TMPRSS6: variants seen among roughly 807,000 people sequenced by gnomAD.
The protein encoded by TMPRSS6 is transmembrane protease serine 6.
A neutral mutation model predicts 101.5 loss-of-function variants in TMPRSS6; 67 were observed. The observed-to-expected ratio is 0.66, with a 90% CI of 0.54 to 0.81. TMPRSS6 has a LOEUF of 0.81. TMPRSS6 is among the 30% of genes least tolerant of loss of function. The probability of loss-of-function intolerance (pLI) is 0.00; values close to 1 mark genes in which losing one functional copy is unlikely to be tolerated. For synonymous variants in TMPRSS6, 453 were observed against 464.9 expected, an observed-to-expected ratio of 0.97 and a Z score of 0.33; for missense variants, 1,034 against 1,088.7, an observed-to-expected ratio of 0.95 and a Z score of 0.71.
chr22:37,091,214 G>A (rs759796075), intron 6 of TMPRSS6, among the ~76,000 whole-genome samples: 17 of 152,180 alleles, frequency 1.1e-4, no homozygotes, highest in Non-Finnish European at 2.4e-4. Context: ...TTTAAACCTC[G>A]CCAGAAGCCT....
chr22:37,073,724 T>C, intron 12 of TMPRSS6, 79 bp from the exon 13 acceptor site: 1 of 850,140 alleles, frequency 1.2e-6, no homozygotes, highest in Non-Finnish European at 2.1e-6. Flanking sequence ...CTGTAGAAGG[T>C]GTGCTGTATT....
Position 37,103,269 on chromosome 22 carries a change from A to G in TMPRSS6, c.149T>C (p.Leu50Pro). ...GYLRLVPLFV[L>P]LALLVLASAG... Reference sequence around the variant, plus strand: ...CGAAGCCAGCACGAGCAGGGCCAGCAGCACAAACAGGGGCACCAGGCGGAG... The same window carrying G: ...CGAAGCCAGCACGAGCAGGGCCAGCGGCACAAACAGGGGCACCAGGCGGAG... The change falls in exon 2 of 18, where the codon CTG becomes CCG. Residue 50 changes from leucine to proline, a missense_variant. Coordinates refer to ENST00000676104, the MANE Select transcript of TMPRSS6 (RefSeq NM_001374504.1). This position sits in a 1 kb window ranked among gnomAD's most constrained non-coding sequence, Gnocchi z 4.4. 6.2e-7 allele frequency: 1 copy of G among 1,614,130 alleles called. No individual in the cohort carries two copies. The highest frequency in any genetic ancestry group is 8.5e-7 in the Non-Finnish European group (1 of 1,179,982).
chr22:37,070,891 G>T, intron 14 of TMPRSS6, 25 bp downstream of exon 14: 1 of 1,606,964 alleles, frequency 6.2e-7, no homozygotes. Flanking sequence ...AAGCTCCAGG[G>T]CCCCGGCAGC....
chr22:37,078,153 C>T (rs747393594), intron 10 of TMPRSS6, among the ~76,000 whole-genome samples: 3 of 151,074 alleles, frequency 2.0e-5, no homozygotes, highest in African/African-American at 7.3e-5. Context: ...AGGAGTCAAG[C>T]GCATCCCATG....
intron 16 of TMPRSS6, among the ~76,000 whole-genome samples, chr22:37,068,116 A>T (rs1446972478): frequency 2.0e-5 from 3 of 151,878 alleles, no homozygotes; most frequent in African/African-American, 7.3e-5. Flanking sequence ...CTCCCCATCC[A>T]TGTCAGCTCT....
chr22:37,074,937 C>T (rs1288766477), intron 11 of TMPRSS6, among the ~76,000 whole-genome samples, 198 bp downstream of exon 11: 1 of 152,238 alleles, frequency 6.6e-6, no homozygotes, highest in African/African-American at 2.4e-5. Flanking sequence ...TGTATTCCTG[C>T]AAACCCTTGT....
Position 37,096,853 on chromosome 22 carries a change from G to A in TMPRSS6, c.337-138C>T, listed in dbSNP as rs1283727106. The A allele has an allele frequency of 8.2e-6, 7 of 857,990 alleles. No homozygotes were observed. The Admixed American group carries it at 1.0e-4, about 12-fold the overall frequency. 53.1% of individuals were successfully genotyped at this position (857,990 alleles called of 1,614,324 possible). A position where few individuals can be genotyped will look rare whatever the true frequency, so the allele number is the denominator to read the frequency against. On this transcript the variant is annotated intron_variant, in intron 3 of 17. Coordinates refer to ENST00000676104, the MANE Select transcript of TMPRSS6 (RefSeq NM_001374504.1). ...TCCAAGGTGGACAGGCTTGATCACGGTCACACAGTGCTGAGTGGCCGGGCC... is the reference window on the plus strand; with the variant it reads ...TCCAAGGTGGACAGGCTTGATCACGATCACACAGTGCTGAGTGGCCGGGCC...
chr22:37,079,011 A>AAG (rs1240808564), intron 10 of TMPRSS6, among the ~76,000 whole-genome samples: 5 of 151,850 alleles, frequency 3.3e-5, no homozygotes, highest in South Asian at 4.2e-4. Flanking sequence ...GAAAGAAAGA[A>AAG]AGAAAGAGAA....
intron 13 of TMPRSS6, among the ~76,000 whole-genome samples, chr22:37,072,649 TGATG>T (rs1361318726): frequency 2.6e-5 from 3 of 116,302 alleles, no homozygotes; most frequent in Admixed American, 8.5e-5. Flanking sequence ...GACGGATGGA[TGATG>T]GATGGATGGA....
chr22:37,095,140 C>A (rs954056049), intron 6 of TMPRSS6, among the ~76,000 whole-genome samples: 12 of 152,076 alleles, frequency 7.9e-5, no homozygotes, highest in Admixed American at 1.3e-4. Context: ...CCGCTACCTC[C>A]AAAAGACCAA....
intron 6 of TMPRSS6, among the ~76,000 whole-genome samples, chr22:37,093,194 C>T (rs931841179): frequency 2.0e-5 from 3 of 152,118 alleles, no homozygotes; most frequent in Non-Finnish European, 2.9e-5. Context: ...TCTCCTCATT[C>T]ATGCTTTCAT....
intron 2 of TMPRSS6, among the ~76,000 whole-genome samples, chr22:37,099,133 G>A (rs759193353): frequency 3.3e-5 from 5 of 152,246 alleles, no homozygotes; most frequent in African/African-American, 7.2e-5. Context: ...GGGATGTGAC[G>A]AGGACACTCA....
At position 37,079,005 on chromosome 22, in the gene TMPRSS6, G is replaced by GAA. The variant is rs1265766649; in HGVS notation, c.1197-3727_1197-3726dup. On this transcript the variant is annotated intron_variant, in intron 10 of 17. Coordinates refer to ENST00000676104, the MANE Select transcript of TMPRSS6 (RefSeq NM_001374504.1). ...AGAAAGAAAGAAAGAAAGAAAGAAA[G>GAA]AAAGAAAGAAAGAGAAAGAGAGAAA... 3.4e-3 allele frequency among the ~76,000 whole-genome samples: 514 copies of GAA among 151,588 alleles called. 9 individuals carry two copies. Among genetic ancestry groups the GAA allele is most frequent in the African/African-American group, 0.012 (489 of 41,148 alleles).
At position 37,065,860 on chromosome 22, in the gene TMPRSS6, G is replaced by T; in HGVS notation, c.*220C>A. The T allele has an allele frequency of 1.6e-6, 1 of 607,108 alleles. No individual in the cohort carries two copies. The highest frequency in any genetic ancestry group is 2.0e-5 in the South Asian group (1 of 50,788). 37.6% of individuals were successfully genotyped at this position (607,108 alleles called of 1,614,324 possible). On this transcript the variant is annotated 3_prime_UTR_variant, in exon 18 of 18. Transcript: ENST00000676104. ...AGGCAGAAGGGCTGGGTGTGGGCCT[G>T]GGTCCTCAGGGGACGTCTTGACCCC...
intron 1 of TMPRSS6, among the ~76,000 whole-genome samples, chr22:37,105,754 C>G (rs952867758): frequency 1.1e-4 from 17 of 152,220 alleles, no homozygotes; most frequent in Non-Finnish European, 1.9e-4. Context: ...ACCCCAGCCT[C>G]CAACTCCTGG....
At position 37,074,014 on chromosome 22, in the gene TMPRSS6, G is replaced by T. The variant is rs920085728; in HGVS notation, c.1442-369C>A. On this transcript the variant is annotated intron_variant, in intron 12 of 17. Coordinates refer to ENST00000676104, the MANE Select transcript of TMPRSS6 (RefSeq NM_001374504.1). ...TCCGCTCGACTCCGCCTCCCAAAGT[G>T]CTAGGATTACAGGCATGAGCCACTG... 2.0e-5 allele frequency among the ~76,000 whole-genome samples: 3 copies of T among 152,148 alleles called. No homozygotes were observed. The South Asian group carries it at 6.2e-4, about 32-fold the overall frequency.
intron 7 of TMPRSS6, among the ~76,000 whole-genome samples, chr22:37,087,678 C>A (rs890862422): frequency 1.3e-5 from 2 of 151,818 alleles, no homozygotes; most frequent in South Asian, 4.1e-4. Flanking sequence ...CACACCGGTG[C>A]CCCCCACCCT....
Position 37,069,495 on chromosome 22 carries a change from G to A in TMPRSS6, c.1842-151C>T. 1.2e-6 allele frequency: 1 copy of A among 822,682 alleles called. No individual in the cohort carries two copies. Among genetic ancestry groups the A allele is most frequent in the African/African-American group, 1.7e-5 (1 of 58,590 alleles). 51.0% of individuals were successfully genotyped at this position (822,682 alleles called of 1,614,324 possible). Reference sequence around the variant, plus strand: ...CCCTTCCCTCCCTGAAGGTCGCCTAGCTGGTGGTACAGCGTTCAGCCTTCA... The same window carrying A: ...CCCTTCCCTCCCTGAAGGTCGCCTAACTGGTGGTACAGCGTTCAGCCTTCA... On this transcript the variant is annotated intron_variant, in intron 15 of 17. Coordinates refer to ENST00000676104, the MANE Select transcript of TMPRSS6 (RefSeq NM_001374504.1). The surrounding 1 kb of genome is among the most constrained non-coding windows in gnomAD (Gnocchi z 4.8).
rs1305592623 is a variant in TMPRSS6, at chr22:37,103,919, C to T, written c.-1-501G>A. On this transcript the variant is annotated intron_variant, in intron 1 of 17. Coordinates refer to ENST00000676104, the MANE Select transcript of TMPRSS6 (RefSeq NM_001374504.1). This position sits in a 1 kb window ranked among gnomAD's most constrained non-coding sequence, Gnocchi z 4.4. Reference sequence around the variant, plus strand: ...AGCCCCCGCCCCAGAATCCCCTGAGCTGGCACTGCGCTGGGCCGGGGACCT... The same window carrying T: ...AGCCCCCGCCCCAGAATCCCCTGAGTTGGCACTGCGCTGGGCCGGGGACCT... Among the ~76,000 whole-genome samples, 1 of 152,238 alleles carries T rather than the reference C, an allele frequency of 6.6e-6. No homozygotes were observed. The highest frequency in any genetic ancestry group is 1.5e-5 in the Non-Finnish European group (1 of 68,036).
Sources: allele counts gnomAD v4.1 joint callset (sites outside exome capture counted in the v4.1 genomes callset), GRCh38; gene constraint gnomAD v4.1.1; non-coding constraint Gnocchi (gnomAD v3.1); transcripts MANE v1.5; gene names NCBI Gene and HGNC (gene_info 2026-07-23, HGNC 2026-07-21).